Variants in ATRNL1 observed in about 807,000 individuals in gnomAD.
ATRNL1 encodes the protein attractin like 1, also known as attractin-like protein 1.
ATRNL1 carries 95 observed loss-of-function variants against 182.7 expected under a neutral mutation model. The observed-to-expected ratio is 0.52, with a 90% CI of 0.44 to 0.62. The LOEUF is 0.62. Among genes scored for constraint, ATRNL1 ranks in the 20% least tolerant of loss-of-function variants. The pLI, the probability that ATRNL1 is intolerant of heterozygous loss-of-function variation, is 0.00. For missense variants in ATRNL1, 1,471 were observed against 1,679.5 expected (o/e 0.88, Z 2.17); for synonymous variants, 576 against 568.3 (o/e 1.01, Z -0.19).
chr10:115,503,876 C>CA (rs1380294225), intron 24 of ATRNL1, among the ~76,000 whole-genome samples: 3 of 151,230 alleles, frequency 2.0e-5, no homozygotes, highest in Non-Finnish European at 3.0e-5. Context: ...GCTTTTTTAC[C>CA]AAAAAACCCT....
At chr10:115,758,076 G>T (rs1443333043) in intron 27 of ATRNL1, among the ~76,000 whole-genome samples, 3 of 151,404 alleles carry the variant, frequency 2.0e-5, no homozygotes, top group Non-Finnish European at 4.4e-5. Context: ...TTTTTTCCAG[G>T]TTCTTAGCTT....
chr10:115,289,369 A>G lies in ATRNL1; in HGVS notation c.2415+2972A>G, dbSNP rs531914475. On this transcript the variant is annotated intron_variant, in intron 15 of 28. Coordinates refer to ENST00000355044, the MANE Select transcript of ATRNL1 (RefSeq NM_207303.4). ...CACTGTGTTGTTTCCTTTGCTGTGC[A>G]GAAGCTTTTTATTTTTATTTAATAC... Among the ~76,000 whole-genome samples the G allele has an allele frequency of 3.3e-5, 5 of 152,280 alleles. No individual in the cohort carries two copies. The South Asian group carries it at 1.0e-3, about 32-fold the overall frequency.
At chr10:115,815,184 C>G (rs1443504680) in intron 27 of ATRNL1, among the ~76,000 whole-genome samples, 1 of 152,134 alleles carries the variant, frequency 6.6e-6, no homozygotes, top group African/African-American at 2.4e-5. Context: ...AACTTATTCT[C>G]ACTTCTAACT....
intron 28 of ATRNL1, among the ~76,000 whole-genome samples, chr10:115,869,328 A>C (rs782673138): frequency 1.5e-4 from 23 of 152,168 alleles, no homozygotes; most frequent in South Asian, 4.1e-4. Context: ...TTGCATAAAA[A>C]TATACAATGG....
chr10:115,892,144 C>A (rs1952094688), intron 28 of ATRNL1, among the ~76,000 whole-genome samples: 1 of 152,050 alleles, frequency 6.6e-6, no homozygotes, highest in Non-Finnish European at 1.5e-5. Flanking sequence ...GCACTTGAGG[C>A]TTTTTTTCTC....
intron 5 of ATRNL1, among the ~76,000 whole-genome samples, chr10:115,134,078 A>G (rs1163775561): frequency 2.0e-5 from 3 of 152,344 alleles, no homozygotes; most frequent in African/African-American, 7.2e-5. Context: ...TGCCCACAAC[A>G]GAAAGCAGGA....
intron 10 of ATRNL1, among the ~76,000 whole-genome samples, chr10:115,249,828 G>A (rs1554905016): frequency 6.6e-6 from 1 of 152,136 alleles, no homozygotes; most frequent in Non-Finnish European, 1.5e-5. Flanking sequence ...TGTTTATGAA[G>A]TGATAATAAC....
intron 21 of ATRNL1, among the ~76,000 whole-genome samples, chr10:115,450,132 C>T (rs1342229547): frequency 6.6e-6 from 1 of 152,082 alleles, no homozygotes; most frequent in Non-Finnish European, 1.5e-5. Flanking sequence ...GAACATACCT[C>T]AAAATAATAA....
intron 27 of ATRNL1, among the ~76,000 whole-genome samples, chr10:115,765,982 CCCG>C (rs57487614): frequency 0.94 from 142,560 of 152,016 alleles, 67,450 homozygotes; most frequent in East Asian, 1. Context: ...CTTTCCCCCC[CCCG>C]GCTCACTAAA....
intron 19 of ATRNL1, among the ~76,000 whole-genome samples, chr10:115,335,533 A>G (rs539087881): frequency 6.6e-6 from 1 of 152,224 alleles, no homozygotes; most frequent in East Asian, 1.9e-4. Context: ...CAGAGTTGAG[A>G]CACATGGGGA....
intron 19 of ATRNL1, among the ~76,000 whole-genome samples, chr10:115,369,924 A>G (rs980610124): frequency 6.6e-6 from 1 of 152,198 alleles, no homozygotes; most frequent in Admixed American, 6.5e-5. Context: ...GTCCCCACCC[A>G]AATCTCATCT....
chr10:115,597,648 C>G (rs551704003), intron 26 of ATRNL1: 136 of 438,532 alleles, frequency 3.1e-4, no homozygotes, highest in Admixed American at 4.5e-4. Context: ...TCTCAGCTCA[C>G]TGCAACCTCC....
chr10:115,424,512 C>T (rs1189825370), intron 20 of ATRNL1, among the ~76,000 whole-genome samples: 2 of 152,022 alleles, frequency 1.3e-5, no homozygotes, highest in Non-Finnish European at 2.9e-5. Context: ...TGTACAGTAG[C>T]CAAGATATGG....
At chr10:115,102,516 T>A (rs1322408289) in intron 1 of ATRNL1, among the ~76,000 whole-genome samples, 1 of 152,158 alleles carries the variant, frequency 6.6e-6, no homozygotes, top group Non-Finnish European at 1.5e-5. Flanking sequence ...TGGTATCAGC[T>A]CACTGAAATC....
At chr10:115,120,126 C>A in intron 1 of ATRNL1, 59 bp from the exon 2 acceptor site, 1 of 995,312 alleles carries the variant, frequency 1.0e-6, no homozygotes, top group Non-Finnish European at 1.5e-6. Context: ...TCTTATCCTG[C>A]TATATGTCTT....
At chr10:115,321,093 C>CT (rs1233012490) in intron 18 of ATRNL1, among the ~76,000 whole-genome samples, 34 of 151,606 alleles carry the variant, frequency 2.2e-4, no homozygotes, top group African/African-American at 8.0e-4. Flanking sequence ...TTTGTGGGGC[C>CT]TTTTTTTTGT....
chr10:115,863,873 A>G (rs1464765700), intron 28 of ATRNL1, among the ~76,000 whole-genome samples: 1 of 152,236 alleles, frequency 6.6e-6, no homozygotes, highest in Non-Finnish European at 1.5e-5. Flanking sequence ...TCCAGAAAAT[A>G]AGTACTCAAA....
intron 10 of ATRNL1, among the ~76,000 whole-genome samples, chr10:115,264,545 A>G (rs1425691899): frequency 1.3e-5 from 2 of 151,580 alleles, no homozygotes; most frequent in African/African-American, 4.8e-5. Context: ...TTACGTTAGT[A>G]TATATGTCAG....
chr10:115,314,662 G>A lies in ATRNL1; in HGVS notation c.2819-856G>A, dbSNP rs552935244. Reference sequence around the variant, plus strand: ...AAAGACTCTCAGCTTAATGTAAGATGCTTTGGTTGTTAAGTAAAGGTTTAA... The same window carrying A: ...AAAGACTCTCAGCTTAATGTAAGATACTTTGGTTGTTAAGTAAAGGTTTAA... On this transcript the variant is annotated intron_variant, in intron 17 of 28. Transcript: ENST00000355044. 4.6e-5 allele frequency among the ~76,000 whole-genome samples: 7 copies of A among 152,320 alleles called. No individual in the cohort carries two copies. The South Asian group carries it at 1.5e-3, about 32-fold the overall frequency.
Sources: gnomAD v4.1 joint callset for allele counts (sites outside exome capture counted in the v4.1 genomes callset) on GRCh38, gnomAD v4.1.1 for gene constraint, MANE v1.5 for transcripts, NCBI Gene and HGNC (gene_info 2026-07-23, HGNC 2026-07-21) for gene names.